Variants in ATP8B4 observed in about 807,000 individuals in gnomAD.
The protein encoded by ATP8B4 is probable phospholipid-transporting ATPase IM.
ATP8B4 carries 133 observed loss-of-function variants against 145.6 expected under a neutral mutation model. That is an observed-to-expected ratio of 0.91 (90% CI 0.79 to 1.05). ATP8B4 has a LOEUF of 1.05. ATP8B4 is among the 50% of genes least tolerant of loss of function. ATP8B4 has a pLI of 0.00. For missense variants in ATP8B4, 1,458 were observed against 1,425.2 expected, an observed-to-expected ratio of 1.02 and a Z score of -0.37; for synonymous variants, 507 against 492.9, an observed-to-expected ratio of 1.03 and a Z score of -0.38.
rs780133999 is a variant in ATP8B4 at position 49,901,104 on chromosome 15, A to G, written c.2277T>C (p.Asn759=). 1.2e-6 allele frequency: 2 copies of G among 1,612,862 alleles called. No individual in the cohort carries two copies. Among genetic ancestry groups the G allele is most frequent in the East Asian group, 2.2e-5 (1 of 44,816 alleles). The change falls in exon 21 of 28, where the codon AAT becomes AAC. Residue 759 remains asparagine, a synonymous_variant. Transcript: ENST00000284509. The stretch of plus-strand genomic sequence containing the variant: ...TAGGCAAACTCACCAAACTGTGGCC[A>G]TTTATGATTAAGGCATAATCTCCTG... ...TITGDYALII[N]GHSLAHALES...
At chr15:50,138,065 T>C (rs919574165) in intron 1 of ATP8B4, among the ~76,000 whole-genome samples, 2 of 152,198 alleles carry the variant, frequency 1.3e-5, no homozygotes, top group African/African-American at 4.8e-5. Context: ...ATTTTCATCC[T>C]TCAGCAATCT....
At position 50,115,427 on chromosome 15, in the gene ATP8B4, G is replaced by A. The variant is rs993893862; in HGVS notation, c.-43+3696C>T. 9.9e-5 allele frequency among the ~76,000 whole-genome samples: 15 copies of A among 151,984 alleles called. 1 individual carries two copies. Among genetic ancestry groups the A allele is most frequent in the Admixed American group, 3.3e-4 (5 of 15,248 alleles). On this transcript the variant is annotated intron_variant, in intron 1 of 27. Transcript: ENST00000284509. ...TGGAGAACTATGGAGGCAGAGGAAAGGCAGTCACCAAGCCTGCTTTGCAGA... is the reference window on the plus strand; with the variant it reads ...TGGAGAACTATGGAGGCAGAGGAAAAGCAGTCACCAAGCCTGCTTTGCAGA...
chr15:49,889,538 C>T (rs1368101863), intron 23 of ATP8B4, among the ~76,000 whole-genome samples: 1 of 152,224 alleles, frequency 6.6e-6, no homozygotes, highest in Non-Finnish European at 1.5e-5. Flanking sequence ...GACTACATCA[C>T]ATCACCATCC....
chr15:49,979,847 T>C, intron 11 of ATP8B4, 34 bp from the exon 12 acceptor site: 2 of 1,439,052 alleles, frequency 1.4e-6, no homozygotes, highest in Non-Finnish European at 1.9e-6. Context: ...TAAGGTTAAC[T>C]TGAACTCAAA....
At chr15:50,070,794 G>A (rs532144453) in intron 3 of ATP8B4, among the ~76,000 whole-genome samples, 17 of 152,282 alleles carry the variant, frequency 1.1e-4, no homozygotes, top group Admixed American at 5.9e-4. Flanking sequence ...AGGCTGGACT[G>A]CAGTGGCACA....
chr15:50,172,725 C>G (rs2044697679), intron 1 of ATP8B4, among the ~76,000 whole-genome samples: 1 of 151,718 alleles, frequency 6.6e-6, no homozygotes, highest in African/African-American at 2.4e-5. Flanking sequence ...TGCCCATCGT[C>G]TGAGATGTGG....
intron 1 of ATP8B4, among the ~76,000 whole-genome samples, chr15:50,142,597 G>T (rs2153679977): frequency 6.6e-6 from 1 of 152,300 alleles, no homozygotes; most frequent in South Asian, 2.1e-4. Flanking sequence ...CAGTGGAAGA[G>T]TCTGTGGTAC....
intron 24 of ATP8B4, among the ~76,000 whole-genome samples, chr15:49,878,783 C>T (rs1463456449): frequency 6.6e-6 from 1 of 152,194 alleles, no homozygotes; most frequent in Non-Finnish European, 1.5e-5. Flanking sequence ...TCTCATCCTC[C>T]TCTCCCACTG....
At chr15:50,125,173 T>C (rs988669099) in intron 1 of ATP8B4, among the ~76,000 whole-genome samples, 1 of 152,184 alleles carries the variant, frequency 6.6e-6, no homozygotes, top group Non-Finnish European at 1.5e-5. Context: ...AGTAGAACAA[T>C]GAACCCGATC....
At chr15:49,943,447 C>T (rs1814996388) in intron 14 of ATP8B4, among the ~76,000 whole-genome samples, 1 of 151,158 alleles carries the variant, frequency 6.6e-6, no homozygotes, top group South Asian at 2.1e-4. Flanking sequence ...TGTCAAAAGT[C>T]AAAGAGAATT....
At chr15:49,874,193 C>G (rs148148569) in intron 25 of ATP8B4, among the ~76,000 whole-genome samples, 3 of 152,132 alleles carry the variant, frequency 2.0e-5, no homozygotes, top group African/African-American at 7.2e-5. Context: ...AGACATTAAA[C>G]GAGAGAACAC....
intron 1 of ATP8B4, among the ~76,000 whole-genome samples, chr15:50,117,241 C>T (rs11632390): frequency 0.32 from 48,280 of 151,714 alleles, 7,930 homozygotes; most frequent in South Asian, 0.37. Flanking sequence ...GTAGAGAGGG[C>T]GTTTCATCAT....
intron 10 of ATP8B4, among the ~76,000 whole-genome samples, chr15:49,985,894 AG>A (rs2046562826): frequency 6.6e-6 from 1 of 152,236 alleles, no homozygotes; most frequent in Admixed American, 6.5e-5. Context: ...GCAGAAAAAA[AG>A]TAAAGCTTCC....
At chr15:50,106,605 C>T (rs1363324466) in intron 2 of ATP8B4, among the ~76,000 whole-genome samples, 1 of 152,058 alleles carries the variant, frequency 6.6e-6, no homozygotes, top group Non-Finnish European at 1.5e-5. Flanking sequence ...GCAAAAGCAG[C>T]AATACGAAAG....
chr15:50,053,391 A>C (rs2052343734), intron 3 of ATP8B4, among the ~76,000 whole-genome samples: 1 of 152,180 alleles, frequency 6.6e-6, no homozygotes, highest in South Asian at 2.1e-4. Flanking sequence ...CAAAGCAGTT[A>C]TCTCTTCTGC....
intron 14 of ATP8B4, among the ~76,000 whole-genome samples, chr15:49,941,061 AAAAG>A (rs2042128353): frequency 1.3e-5 from 2 of 152,166 alleles, no homozygotes; most frequent in Non-Finnish European, 2.9e-5. Flanking sequence ...CCAAACTGGG[AAAAG>A]AAAGAATTAT....
intron 1 of ATP8B4, among the ~76,000 whole-genome samples, chr15:50,125,348 T>G (rs1595626139): frequency 6.6e-6 from 1 of 152,174 alleles, no homozygotes; most frequent in East Asian, 1.9e-4. Context: ...CTCTTTACCC[T>G]TTTAGTCTGT....
At chr15:49,959,790 C>T (rs1262676651) in intron 14 of ATP8B4, among the ~76,000 whole-genome samples, 2 of 151,898 alleles carry the variant, frequency 1.3e-5, no homozygotes, top group Non-Finnish European at 2.9e-5. Context: ...TTCTGAGAGG[C>T]ACAAAATATG....
chr15:49,935,850 A>G (rs1364416801), intron 14 of ATP8B4, among the ~76,000 whole-genome samples: 2 of 152,114 alleles, frequency 1.3e-5, no homozygotes, highest in African/African-American at 4.8e-5. Flanking sequence ...AATTTCCTTA[A>G]TGATTATTTC....
Sources: allele counts gnomAD v4.1 joint callset (sites outside exome capture counted in the v4.1 genomes callset), GRCh38; gene constraint gnomAD v4.1.1; transcripts MANE v1.5; gene names NCBI Gene and HGNC (gene_info 2026-07-23, HGNC 2026-07-21).